SPTBN5: variants seen among roughly 807,000 people sequenced by gnomAD.
SPTBN5 encodes spectrin beta, non-erythrocytic 5.
Under a neutral mutation model 477.6 loss-of-function variants are expected in SPTBN5, and 513 were observed. The ratio of observed to expected loss-of-function variants is 1.07; its 90% CI spans 1.00 to 1.16. The LOEUF is 1.16. SPTBN5 is among the 50% of genes most tolerant of loss of function. The pLI is 0.00. For synonymous variants in SPTBN5, 2,169 were observed against 2,011.7 expected (o/e 1.08, Z -2.09); for missense variants, 5,062 against 4,731.8 (o/e 1.07, Z -2.05).
chr15:41,865,657 G>T, intron 39 of SPTBN5, 151 bp downstream of exon 39: 1 of 662,796 alleles, frequency 1.5e-6, no homozygotes. Context: ...AAGGAGTGAA[G>T]GCGGGTGAGA....
intron 5 of SPTBN5, 94 bp from the exon 6 acceptor site, chr15:41,887,535 T>G (rs1024302125): frequency 3.1e-6 from 3 of 974,258 alleles, no homozygotes; most frequent in South Asian, 1.5e-5. Context: ...TATTGGCCAT[T>G]CACATCTTCT....
In SPTBN5 at chr15:41,871,829, C is replaced by T; in HGVS notation, c.5254G>A (p.Ala1752Thr). ...CCCAGGCTCTCCCCTCCTTTGGCTG[C>T]CTGCTTCTGGCTTGCCAGCCAGCCC... ...LQGWLASQKQAAKGGESLGED... is the reference protein window; with the variant it reads ...LQGWLASQKQTAKGGESLGED... The change falls in exon 28 of 68, where the codon GCA becomes ACA. Residue 1752 changes from alanine to threonine, a missense_variant. Physicochemically the swap from Ala to Thr is moderately conservative, Grantham distance 58. Transcript: ENST00000320955. The T allele has an allele frequency of 6.3e-7, 1 of 1,592,026 alleles. No individual in the cohort carries two copies. Among genetic ancestry groups the T allele is most frequent in the African/African-American group, 1.3e-5 (1 of 74,460 alleles).
rs755863443 is a variant in SPTBN5 at position 41,880,274 on chromosome 15, G to C, written c.2697C>G (p.Phe899Leu). The C allele has an allele frequency of 6.2e-7, 1 of 1,607,254 alleles. No homozygotes were observed. Among genetic ancestry groups the C allele is most frequent in the Non-Finnish European group, 8.5e-7 (1 of 1,177,460 alleles). The change falls in exon 14 of 68, where the codon TTC (phenylalanine) becomes TTG (leucine). Residue 899 changes from phenylalanine to leucine, a missense_variant. Phe to Leu is a conservative substitution (Grantham distance 22). Coordinates refer to ENST00000320955, the MANE Select transcript of SPTBN5 (RefSeq NM_016642.4). ...RARLEEAMAL[F>L]GFCSSCGELQ... ...GCTCCCCACAGGAACTGCAGAAACCGAACAGGGCCATGGCCTCCTCCAACC... is the reference window on the plus strand; with the variant it reads ...GCTCCCCACAGGAACTGCAGAAACCCAACAGGGCCATGGCCTCCTCCAACC...
chr15:41,849,925 A>G lies in SPTBN5; in HGVS notation c.10956T>C (p.Pro3652=), dbSNP rs764388275. ...TCGTGCACTCATTCAGAGAGCTGAC[A>G]GGTTTGGCTTTGAGTTTTGGGCTCA... ...QSLSPKLKAK[P]VSSLNECTTK... is the part of the protein sequence containing the mutation. Residue 3652 remains proline (P), a synonymous_variant, in exon 67 of 68, where the codon CCT becomes CCC. Transcript: ENST00000320955. 3.1e-6 allele frequency: 5 copies of G among 1,597,324 alleles called. No homozygotes were observed. Among genetic ancestry groups the G allele is most frequent in the Admixed American group, 3.5e-5 (2 of 57,622 alleles).
At position 41,859,303 on chromosome 15, in the gene SPTBN5, C is replaced by T. The variant is rs1454706110; in HGVS notation, c.7989-323G>A. Among the ~76,000 whole-genome samples the T allele has an allele frequency of 2.6e-5, 4 of 152,126 alleles. No homozygotes were observed. In the East Asian group the frequency reaches 5.8e-4, roughly 22 times the overall value. ...CCTCCCGAGTAGCTAGGACTATAGG[C>T]TCACACCTCCAGGCCCAGCTAAATT... On this transcript the variant is annotated intron_variant, in intron 47 of 67. Coordinates refer to ENST00000320955, the MANE Select transcript of SPTBN5 (RefSeq NM_016642.4).
intron 34 of SPTBN5, 126 bp downstream of exon 34, chr15:41,867,943 C>T (rs1448037575): frequency 3.8e-6 from 5 of 1,304,042 alleles, no homozygotes; most frequent in Admixed American, 5.6e-5. Context: ...CCTGGAAGGA[C>T]TTGTGCACAG....
chr15:41,873,294 C>A (rs977019129), intron 26 of SPTBN5, among the ~76,000 whole-genome samples, 198 bp downstream of exon 26: 1 of 152,046 alleles, frequency 6.6e-6, no homozygotes, highest in Non-Finnish European at 1.5e-5. Context: ...AGGGAGAAAG[C>A]GTGTACATCA....
intron 28 of SPTBN5, 40 bp from the exon 29 acceptor site, chr15:41,871,560 G>C (rs1595479962): frequency 7.0e-7 from 1 of 1,425,724 alleles, no homozygotes; most frequent in Non-Finnish European, 9.2e-7. Flanking sequence ...GCCCCCAGCT[G>C]GTTAGGCGTC....
chr15:41,850,976 C>T (rs1228124043), intron 65 of SPTBN5, 37 bp from the exon 66 acceptor site: 1 of 1,590,254 alleles, frequency 6.3e-7, no homozygotes, highest in Admixed American at 1.8e-5. Flanking sequence ...TCCACTGTCC[C>T]TTTGGGGACC....
rs749715588 is a variant in SPTBN5 at position 41,870,293 on chromosome 15, G to T, written c.5623C>A (p.Leu1875Met). Residue 1875 changes from leucine to methionine, a missense_variant, in exon 31 of 68, where the codon CTG becomes ATG. Coordinates refer to ENST00000320955, the MANE Select transcript of SPTBN5 (RefSeq NM_016642.4). ...ARDLCGLEAQLRSHQGLEREL... is the reference protein window; with the variant it reads ...ARDLCGLEAQMRSHQGLEREL... ...CGCTCCAGCCCCTGGTGGCTTCTCA[G>T]CTGCGCCTCCAGCCCACACAGGTCC... is the stretch of plus-strand genomic sequence containing the variant. 11 of 1,556,496 alleles carry T rather than the reference G, an allele frequency of 7.1e-6. No homozygotes were observed. Among genetic ancestry groups the T allele is most frequent in the Non-Finnish European group, 9.6e-6 (11 of 1,150,428 alleles).
In SPTBN5 at chr15:41,885,917, C is replaced by T; in HGVS notation, c.1338G>A (p.Glu446=). ...GGGCTCTGGCCTGGTCTAGCACCTG[C>T]TCTGCATCCTTAAGGAAACTCTCCC... ...ALRESFLKDA[E]QVLDQARAPP... Residue 446 remains glutamate, a synonymous_variant, in exon 7 of 68, where the codon GAG becomes GAA. Coordinates refer to ENST00000320955, the MANE Select transcript of SPTBN5 (RefSeq NM_016642.4). 6.3e-7 allele frequency: 1 copy of T among 1,581,502 alleles called. No homozygotes were observed. Among genetic ancestry groups the T allele is most frequent in the Admixed American group, 1.8e-5 (1 of 55,520 alleles).
rs1320400381 is a variant in SPTBN5 at position 41,877,292 on chromosome 15, C to A, written c.3535G>T (p.Val1179Leu). 1 of 1,613,342 alleles carries A rather than the reference C, an allele frequency of 6.2e-7. No individual in the cohort carries two copies. The highest frequency in any genetic ancestry group is 1.7e-5 in the Admixed American group (1 of 59,932). Residue 1179 changes from valine to leucine, a missense_variant, in exon 18 of 68, where the codon GTG (valine) becomes TTG (leucine). Val to Leu is a conservative substitution (Grantham distance 32). Coordinates refer to ENST00000320955, the MANE Select transcript of SPTBN5 (RefSeq NM_016642.4). ...CCCAGGACCCTCAGAGTGTTGGGCA[C>A]CTCTTGGGAGTCTGGGCAGTCCAAG... The part of the protein sequence containing the change: ...AALDCPDSQE[V>L]PNTLRVLGQQ...
chr15:41,868,083 G>A lies in SPTBN5; in HGVS notation c.6193C>T (p.Leu2065Phe), dbSNP rs1282342151. The A allele has an allele frequency of 6.2e-7, 1 of 1,603,070 alleles. No individual in the cohort carries two copies. Among genetic ancestry groups the A allele is most frequent in the Non-Finnish European group, 8.5e-7 (1 of 1,177,556 alleles). ...AGGGGACCTGCCTCCTGGGCCGCGA[G>A]GATCTCCTCCAGGCGGCCGCACTCT... ...LRECGRLEEI[L>F]AAQEVSLKTS... The change falls in exon 34 of 68, where the codon CTC (leucine) becomes TTC (phenylalanine). Residue 2065 changes from leucine (L) to phenylalanine (F), a missense_variant. Physicochemically the swap from Leu to Phe is conservative, Grantham distance 22. Transcript: ENST00000320955.
rs368415366 is a variant in SPTBN5, at chr15:41,860,768, G to A, written c.7816-10C>T. ...TGGGGGCCAAGGGGTCCTGGTGGGA[G>A]TGGGGAACCCAATACTGTCCATGAG... On this transcript the variant is annotated splice_polypyrimidine_tract_variant and intron_variant, in intron 46 of 67. Transcript: ENST00000320955. The A allele has an allele frequency of 6.4e-7, 1 of 1,566,618 alleles. No homozygotes were observed.
intron 53 of SPTBN5, 114 bp downstream of exon 53, chr15:41,856,272 A>C (rs1390507594): frequency 1.1e-6 from 1 of 946,180 alleles, no homozygotes; most frequent in Non-Finnish European, 1.5e-6. Flanking sequence ...GCAGGAGACC[A>C]CTGAGTGGAG....
rs1322449813 is a variant in SPTBN5, at chr15:41,863,717, C to T, written c.7136G>A (p.Arg2379Lys). ...TCCACCACGTACCTTCTCCTGAATC[C>T]TCTTGGTGACATTGTCCAGCTCTCG... ...LSRELDNVTKRIQEKEALIQA... is the reference protein window; with the variant it reads ...LSRELDNVTKKIQEKEALIQA... The change falls in exon 41 of 68, where the codon AGG becomes AAG. Residue 2379 changes from arginine (R) to lysine (K), a missense_variant. Physicochemically the swap from Arg to Lys is conservative, Grantham distance 26. Transcript: ENST00000320955. 1 of 1,613,344 alleles carries T rather than the reference C, an allele frequency of 6.2e-7. No individual in the cohort carries two copies.
At chr15:41,880,098 C>G (rs765859152) in intron 14 of SPTBN5, 62 bp downstream of exon 14, 24 of 1,517,222 alleles carry the variant, frequency 1.6e-5, no homozygotes, top group Non-Finnish European at 2.0e-5. Context: ...TGAGTCACAG[C>G]AGCAGACCAC....
At chr15:41,888,135 C>G (rs2067212001) in intron 4 of SPTBN5, 50 bp from the exon 5 acceptor site, 4 of 1,527,862 alleles carry the variant, frequency 2.6e-6, no homozygotes. Flanking sequence ...GGTGGGGAGG[C>G]AGAGAGCCTG....
At chr15:41,854,525 C>T (rs1312339409) in intron 56 of SPTBN5, among the ~76,000 whole-genome samples, 2 of 152,182 alleles carry the variant, frequency 1.3e-5, no homozygotes, top group South Asian at 2.1e-4. Context: ...GGCAGTACCA[C>T]CTGCAGTGCC....
Sources: allele counts gnomAD v4.1 joint callset (sites outside exome capture counted in the v4.1 genomes callset), GRCh38; gene constraint gnomAD v4.1.1; transcripts MANE v1.5; gene names NCBI Gene and HGNC (gene_info 2026-07-23, HGNC 2026-07-21).